The following STXBP5 variants were observed in gnomAD, a reference collection of about 807,000 sequenced individuals.
The protein encoded by STXBP5 is syntaxin binding protein 5, also known as syntaxin-binding protein 5.
Under a neutral mutation model 152.4 loss-of-function variants are expected in STXBP5, and 50 were observed. The observed-to-expected ratio is 0.33, with a 90% CI of 0.26 to 0.42. The LOEUF is 0.42. Ranked by LOEUF, STXBP5 falls within the 10% of genes least tolerant of loss-of-function variation. The pLI is 1.00. For synonymous variants in STXBP5, 492 were observed against 494.7 expected, an observed-to-expected ratio of 0.99 and a Z score of 0.07; for missense variants, 1,167 against 1,388.6, an observed-to-expected ratio of 0.84 and a Z score of 2.54.
intron 4 of STXBP5, among the ~76,000 whole-genome samples, chr6:147,244,854 C>T (rs553536186): frequency 6.6e-6 from 1 of 152,212 alleles, no homozygotes; most frequent in African/African-American, 2.4e-5. Context: ...TTTTACTCCC[C>T]TGTGTGAAAT....
At chr6:147,340,305 T>G (rs1459112658) in intron 21 of STXBP5, among the ~76,000 whole-genome samples, 1 of 152,076 alleles carries the variant, frequency 6.6e-6, no homozygotes, top group African/African-American at 2.4e-5. Flanking sequence ...TTGTCTGTAT[T>G]TTATAAATTG....
chr6:147,245,314 A>C (rs1287411916), intron 4 of STXBP5, among the ~76,000 whole-genome samples: 1 of 152,152 alleles, frequency 6.6e-6, no homozygotes, highest in Non-Finnish European at 1.5e-5. Flanking sequence ...AATTTTTTTA[A>C]ATCAGCAAAC....
intron 7 of STXBP5, among the ~76,000 whole-genome samples, chr6:147,270,079 A>T (rs747685328): frequency 6.6e-6 from 1 of 152,136 alleles, no homozygotes; most frequent in Non-Finnish European, 1.5e-5. Flanking sequence ...TAAAAGCCAC[A>T]TTAAGTACAG....
At chr6:147,264,479 A>G (rs1779791548) in intron 6 of STXBP5, among the ~76,000 whole-genome samples, 1 of 152,144 alleles carries the variant, frequency 6.6e-6, no homozygotes, top group Non-Finnish European at 1.5e-5. Flanking sequence ...ATAGATACAG[A>G]GCTAGACTTT....
intron 9 of STXBP5, among the ~76,000 whole-genome samples, chr6:147,301,827 A>G (rs1320291787): frequency 2.6e-5 from 4 of 152,148 alleles, no homozygotes; most frequent in African/African-American, 9.7e-5. Flanking sequence ...ACAGGGAGCA[A>G]TCAAGCCAGC....
At chr6:147,318,255 A>G (rs991853006) in intron 16 of STXBP5, among the ~76,000 whole-genome samples, 11 of 152,184 alleles carry the variant, frequency 7.2e-5, no homozygotes, top group African/African-American at 2.7e-4. Context: ...GACCAGAGTG[A>G]CAAGACCTCT....
chr6:147,271,178 G>A (rs777343600), intron 7 of STXBP5, among the ~76,000 whole-genome samples: 15 of 151,992 alleles, frequency 9.9e-5, no homozygotes, highest in Non-Finnish European at 1.8e-4. Flanking sequence ...TATCATATTG[G>A]ATAAAAGAGC....
At chr6:147,319,215 T>A (rs1782790746) in intron 16 of STXBP5, among the ~76,000 whole-genome samples, 1 of 152,130 alleles carries the variant, frequency 6.6e-6, no homozygotes, top group Non-Finnish European at 1.5e-5. Flanking sequence ...ATTAAAACTC[T>A]TTTATTTTTC....
chr6:147,374,894 C>A (rs1434087935), intron 26 of STXBP5, among the ~76,000 whole-genome samples: 5 of 152,008 alleles, frequency 3.3e-5, no homozygotes, highest in Non-Finnish European at 7.4e-5. Flanking sequence ...AATAAACTAC[C>A]CACCTCCCCC....
At chr6:147,258,178 C>T (rs2115325188) in intron 4 of STXBP5, among the ~76,000 whole-genome samples, 1 of 152,278 alleles carries the variant, frequency 6.6e-6, no homozygotes, top group African/African-American at 2.4e-5. Context: ...ATCCTAGAGT[C>T]AGTGTGGGAG....
chr6:147,262,715 A>G (rs1779701706), intron 6 of STXBP5, among the ~76,000 whole-genome samples: 1 of 151,872 alleles, frequency 6.6e-6, no homozygotes. Flanking sequence ...TTGTAGCACT[A>G]ATCACAGATT....
In STXBP5 at chr6:147,384,929, A is replaced by G; in HGVS notation, c.*174A>G. ...ATGTGGCTTTAACTGAGGAGTGTTCACACGCACTCGAAATGGAGTATATGG... is the reference window on the plus strand; with the variant it reads ...ATGTGGCTTTAACTGAGGAGTGTTCGCACGCACTCGAAATGGAGTATATGG... On this transcript the variant is annotated 3_prime_UTR_variant, in exon 28 of 28. Coordinates refer to ENST00000321680, the MANE Select transcript of STXBP5 (RefSeq NM_001127715.4). 1.5e-6 allele frequency: 1 copy of G among 658,250 alleles called. No homozygotes were observed. Among genetic ancestry groups the G allele is most frequent in the Non-Finnish European group, 2.7e-6 (1 of 372,520 alleles). 40.8% of individuals were successfully genotyped at this position (658,250 alleles called of 1,614,324 possible).
intron 9 of STXBP5, among the ~76,000 whole-genome samples, chr6:147,301,015 A>G (rs1781784876): frequency 6.6e-6 from 1 of 152,106 alleles, no homozygotes; most frequent in Non-Finnish European, 1.5e-5. Flanking sequence ...TCCTCAAAAG[A>G]AGAAATACAA....
rs1025458984 is a variant in STXBP5, at chr6:147,388,647, C to T, written c.*3892C>T. The T allele has an allele frequency of 6.6e-6, 1 of 151,292 alleles. No homozygotes were observed. Among genetic ancestry groups the T allele is most frequent in the African/African-American group, 2.4e-5 (1 of 41,444 alleles). The allele number at this position is 151,292 out of a possible 1,614,324, so 9.4% of individuals were successfully genotyped here. ...TCATTTAAAAATCTTCACACATGAA[C>T]AGGAAAGATATCATTTCTATGCTTT... On this transcript the variant is annotated 3_prime_UTR_variant, in exon 28 of 28. Coordinates refer to ENST00000321680, the MANE Select transcript of STXBP5 (RefSeq NM_001127715.4).
rs555751110 is a variant in STXBP5 at position 147,279,568 on chromosome 6, A to C, written c.838+1364A>C. Among the ~76,000 whole-genome samples, 9 of 152,322 alleles carry C rather than the reference A, an allele frequency of 5.9e-5. No individual in the cohort carries two copies. The South Asian group carries it at 1.9e-3, about 32-fold the overall frequency. On this transcript the variant is annotated intron_variant, in intron 8 of 27. Transcript: ENST00000321680. ...TTGCTTGTTTTCTGGGAAAAATAAC[A>C]GTTCTTGAAACCACATATTGTGAAA...
Position 147,204,936 on chromosome 6 carries a change from A to C in STXBP5, c.150+254A>C, listed in dbSNP as rs1429119231. ...GCAGCAATCAGTTCAAGGTTGCTTC[A>C]AACTATTATCCGACCTTTAATCGTA... On this transcript the variant is annotated intron_variant, in intron 1 of 27. Transcript: ENST00000321680. This position sits in a 1 kb window ranked among gnomAD's most constrained non-coding sequence, Gnocchi z 4.3. 6.6e-6 allele frequency among the ~76,000 whole-genome samples: 1 copy of C among 152,196 alleles called. No individual in the cohort carries two copies. Among genetic ancestry groups the C allele is most frequent in the Non-Finnish European group, 1.5e-5 (1 of 68,038 alleles).
intron 26 of STXBP5, among the ~76,000 whole-genome samples, chr6:147,382,486 T>A (rs1786136998): frequency 1.3e-5 from 2 of 152,176 alleles, no homozygotes; most frequent in South Asian, 4.1e-4. Context: ...GGTAACAATA[T>A]ACCTTTATTT....
intron 2 of STXBP5, among the ~76,000 whole-genome samples, chr6:147,221,179 G>T (rs1777440501): frequency 6.6e-6 from 1 of 152,022 alleles, no homozygotes. Flanking sequence ...ATAACAAAAA[G>T]AAATTGTAAT....
At position 147,339,029 on chromosome 6, in the gene STXBP5, T is replaced by C; in HGVS notation, c.2147-150T>C. ...TACTGTAATAGTATAAGAACTGTTA[T>C]TTACTTATACATGGCCTCTTCTTGT... On this transcript the variant is annotated intron_variant, in intron 19 of 27. Coordinates refer to ENST00000321680, the MANE Select transcript of STXBP5 (RefSeq NM_001127715.4). 6.2e-6 allele frequency: 4 copies of C among 642,340 alleles called. No individual in the cohort carries two copies. The South Asian group carries it at 7.9e-5, about 13-fold the overall frequency. The allele number at this position is 642,340 out of a possible 1,614,324, so 39.8% of individuals were successfully genotyped here. A position where few individuals can be genotyped will look rare whatever the true frequency, so the allele number is the denominator to read the frequency against.
Sources: gnomAD v4.1 joint callset for allele counts (sites outside exome capture counted in the v4.1 genomes callset) on GRCh38, gnomAD v4.1.1 for gene constraint, Gnocchi (gnomAD v3.1) non-coding constraint, MANE v1.5 for transcripts, NCBI Gene and HGNC (gene_info 2026-07-23, HGNC 2026-07-21) for gene names.